RIOX2: variants seen among roughly 807,000 people sequenced by gnomAD.
RIOX2 encodes ribosomal oxygenase 2.
Under a neutral mutation model 51.2 loss-of-function variants are expected in RIOX2, and 43 were observed. The observed-to-expected ratio is 0.84, with a 90% confidence interval of 0.66 to 1.08. The LOEUF is 1.08. Among genes scored for constraint, RIOX2 ranks in the 50% least tolerant of loss-of-function variants. The pLI is 0.00. For synonymous variants in RIOX2, 226 were observed against 218.5 expected (o/e 1.03, Z -0.30); for missense variants, 566 against 561.7 (o/e 1.01, Z -0.08).
rs1705223596 is a variant in RIOX2, at chr3:97,950,973, C to T, written c.786-85G>A. On this transcript the variant is annotated intron_variant, in intron 5 of 9. Coordinates refer to ENST00000394198, the MANE Select transcript of RIOX2 (RefSeq NM_153182.4). ...ATAAAATACTTATTGCTAGTAAAGC[C>T]AAAAGCTACAAATTGGATTATGGCT... The T allele has an allele frequency of 1.2e-5, 11 of 907,648 alleles. No individual in the cohort carries two copies. The Admixed American group carries it at 2.2e-4, about 19-fold the overall frequency. 56.2% of individuals were successfully genotyped at this position (907,648 alleles called of 1,614,324 possible). A position where few individuals can be genotyped will look rare whatever the true frequency, so the allele number is the denominator to read the frequency against.
At chr3:97,952,567 C>G (rs1027211562) in intron 5 of RIOX2, among the ~76,000 whole-genome samples, 2 of 152,134 alleles carry the variant, frequency 1.3e-5, no homozygotes, top group Admixed American at 6.5e-5. Context: ...AAACACCAGT[C>G]ACTAGAAAAC....
At chr3:97,949,436 A>G (rs1319766516) in intron 7 of RIOX2, among the ~76,000 whole-genome samples, 3 of 152,152 alleles carry the variant, frequency 2.0e-5, no homozygotes, top group Admixed American at 6.5e-5. Context: ...CTTCTTTTCT[A>G]TATAAATTAC....
At chr3:97,961,914 C>T (rs907443259) in intron 2 of RIOX2, among the ~76,000 whole-genome samples, 2 of 152,224 alleles carry the variant, frequency 1.3e-5, no homozygotes, top group African/African-American at 4.8e-5. Context: ...ATGTAACAGA[C>T]GTGAACAGAT....
At position 97,967,251 on chromosome 3, in the gene RIOX2, T is replaced by C. The variant is rs756155026; in HGVS notation, c.343A>G (p.Lys115Glu). 2.5e-6 allele frequency: 4 copies of C among 1,614,102 alleles called. No homozygotes were observed. Among genetic ancestry groups the C allele is most frequent in the Admixed American group, 3.3e-5 (2 of 60,002 alleles). Residue 115 changes from lysine (K) to glutamate (E), a missense_variant, in exon 2 of 10, where the codon AAA becomes GAA. Lys to Glu is a moderately conservative substitution (Grantham distance 56, BLOSUM62 1). Coordinates refer to ENST00000394198, the MANE Select transcript of RIOX2 (RefSeq NM_153182.4). ...CVNGKKKVLN[K>E]DGKAHFLQLR... Reference sequence around the variant, plus strand: ...TGAAGAAAGTGTGCTTTGCCATCTTTATTTAAAACCTTCTTCTTCCCATTG... The same window carrying C: ...TGAAGAAAGTGTGCTTTGCCATCTTCATTTAAAACCTTCTTCTTCCCATTG...
intron 7 of RIOX2, among the ~76,000 whole-genome samples, chr3:97,948,861 C>A (rs1290582701): frequency 1.3e-5 from 2 of 152,052 alleles, no homozygotes; most frequent in Non-Finnish European, 2.9e-5. Context: ...CCAATTTCGT[C>A]TGAATTCAGG....
chr3:97,958,458 C>A (rs1705538265), intron 4 of RIOX2, among the ~76,000 whole-genome samples: 1 of 152,190 alleles, frequency 6.6e-6, no homozygotes, highest in South Asian at 2.1e-4. Flanking sequence ...TTCTCAGCAG[C>A]AAGATGCCAA....
chr3:97,958,146 T>C (rs889145572), intron 4 of RIOX2, among the ~76,000 whole-genome samples: 1 of 151,812 alleles, frequency 6.6e-6, no homozygotes, highest in Non-Finnish European at 1.5e-5. Flanking sequence ...TACTGGGAGG[T>C]AGGTAAGGAT....
chr3:97,955,838 C>G (rs1705431659), intron 4 of RIOX2, among the ~76,000 whole-genome samples: 1 of 152,182 alleles, frequency 6.6e-6, no homozygotes, highest in African/African-American at 2.4e-5. Context: ...CAGCCTACTG[C>G]TCCTAGGCTC....
chr3:97,949,056 G>T (rs754557598), intron 7 of RIOX2, among the ~76,000 whole-genome samples: 1 of 152,062 alleles, frequency 6.6e-6, no homozygotes, highest in Non-Finnish European at 1.5e-5. Flanking sequence ...CTGGCTGATG[G>T]TAACAATTTT....
At chr3:97,963,459 C>T (rs1705758540) in intron 2 of RIOX2, among the ~76,000 whole-genome samples, 1 of 152,168 alleles carries the variant, frequency 6.6e-6, no homozygotes, top group South Asian at 2.1e-4. Flanking sequence ...CTGGGCTTCT[C>T]TATAGATCTC....
At chr3:97,964,730 GA>G (rs1176639011) in intron 2 of RIOX2, among the ~76,000 whole-genome samples, 2 of 112,020 alleles carry the variant, frequency 1.8e-5, no homozygotes, top group African/African-American at 6.3e-5. Context: ...AAGAAGGAAA[GA>G]AAAAAAAGAA....
Position 97,945,330 on chromosome 3 carries a change from G to A in RIOX2, c.1252C>T (p.Arg418Cys), listed in dbSNP as rs557264232. The A allele has an allele frequency of 2.4e-5, 38 of 1,610,106 alleles. 1 individual carries two copies. Among genetic ancestry groups the A allele is most frequent in the Middle Eastern group, 3.3e-4 (2 of 6,034 alleles). ...GCATCCAAATGTGACAAAGGGAAGCGAAGTCCATGAAACTGAAAGGATAAA... is the reference window on the plus strand; with the variant it reads ...GCATCCAAATGTGACAAAGGGAAGCAAAGTCCATGAAACTGAAAGGATAAA... ...NEEETEFHGLRFPLSHLDALK... is the reference protein window; with the variant it reads ...NEEETEFHGLCFPLSHLDALK... Residue 418 changes from arginine (R) to cysteine (C), a missense_variant, in exon 10 of 10, where the codon CGC becomes TGC. By Grantham distance (180) the Arg-to-Cys change is radical (BLOSUM62 -3). Coordinates refer to ENST00000394198, the MANE Select transcript of RIOX2 (RefSeq NM_153182.4).
At chr3:97,947,212 GT>G (rs1344452166) in intron 8 of RIOX2, 148 bp downstream of exon 8, 1 of 633,774 alleles carries the variant, frequency 1.6e-6, no homozygotes, top group African/African-American at 1.8e-5. Context: ...GTGAGATTTG[GT>G]CATCATCTGA....
rs577862417 is a variant in RIOX2, at chr3:97,953,442, G to A, written c.785+950C>T. Among the ~76,000 whole-genome samples, 24 of 151,656 alleles carry A rather than the reference G, an allele frequency of 1.6e-4. No homozygotes were observed. In the East Asian group the frequency reaches 1.9e-3, roughly 12 times the overall value. ...GTCGCCCAGGCTGGAGTGCAGTGGCGTGATTTGGATCACTGCAACCTCCAC... is the reference window on the plus strand; with the variant it reads ...GTCGCCCAGGCTGGAGTGCAGTGGCATGATTTGGATCACTGCAACCTCCAC... On this transcript the variant is annotated intron_variant, in intron 5 of 9. Transcript: ENST00000394198.
intron 2 of RIOX2, among the ~76,000 whole-genome samples, chr3:97,963,416 T>C (rs941396343): frequency 1.3e-5 from 2 of 152,218 alleles, no homozygotes; most frequent in Admixed American, 1.3e-4. Flanking sequence ...ATGTGAGCCA[T>C]GGATTTAGCC....
chr3:97,966,314 T>G (rs1304585399), intron 2 of RIOX2, among the ~76,000 whole-genome samples: 1 of 152,198 alleles, frequency 6.6e-6, no homozygotes. Flanking sequence ...TGTTGCCATT[T>G]TGATTTAATG....
chr3:97,961,559 C>A, intron 3 of RIOX2, 30 bp downstream of exon 3: 1 of 1,575,918 alleles, frequency 6.3e-7, no homozygotes, highest in Middle Eastern at 1.7e-4. Flanking sequence ...TCATTCTTCC[C>A]AACATGGGGC....
intron 4 of RIOX2, among the ~76,000 whole-genome samples, chr3:97,954,750 G>A (rs1267084240): frequency 1.3e-5 from 2 of 152,114 alleles, no homozygotes; most frequent in Non-Finnish European, 2.9e-5. Flanking sequence ...TCATTCTCAA[G>A]CTGAGACTAG....
intron 5 of RIOX2, chr3:97,952,381 T>C (rs1394066067): frequency 8.1e-6 from 4 of 491,384 alleles, no homozygotes; most frequent in East Asian, 1.4e-4. Context: ...AAGAAATGAA[T>C]AGGACCCAGG....
Sources: gnomAD v4.1 joint callset for allele counts (sites outside exome capture counted in the v4.1 genomes callset) on GRCh38, gnomAD v4.1.1 for gene constraint, MANE v1.5 for transcripts, NCBI Gene and HGNC (gene_info 2026-07-23, HGNC 2026-07-21) for gene names.